The following SGCD variants were observed in gnomAD, a reference collection of about 807,000 sequenced individuals.
The protein encoded by SGCD is delta-sarcoglycan.
SGCD carries 18 observed loss-of-function variants against 36.6 expected under a neutral mutation model. The ratio of observed to expected loss-of-function variants is 0.49; its 90% CI spans 0.34 to 0.73. The LOEUF is 0.73. Ranked by LOEUF, SGCD falls within the 30% of genes least tolerant of loss-of-function variation. The pLI is 0.01. For synonymous variants in SGCD, 133 were observed against 130.6 expected (o/e 1.02, Z -0.12); for missense variants, 387 against 346.7 (o/e 1.12, Z -0.92).
intron 3 of SGCD, among the ~76,000 whole-genome samples, chr5:156,450,618 G>A (rs1329814595): frequency 6.6e-6 from 1 of 151,692 alleles, no homozygotes; most frequent in Non-Finnish European, 1.5e-5. Flanking sequence ...CAGATTAAGA[G>A]ATTCAATAAA....
At chr5:156,549,275 A>G (rs2113189985) in intron 4 of SGCD, among the ~76,000 whole-genome samples, 1 of 152,318 alleles carries the variant, frequency 6.6e-6, no homozygotes, top group African/African-American at 2.4e-5. Context: ...TAAGATGTAG[A>G]GTATTTCTAT....
At chr5:155,853,990 T>G in the SGCD span, among the ~76,000 whole-genome samples, 2 of 152,246 alleles carry the variant, frequency 1.3e-5, no homozygotes, top group African/African-American at 2.4e-5. Flanking sequence ...CAAAGCCTTC[T>G]TCATGTACAC....
At chr5:155,821,206 G>A in the SGCD span, among the ~76,000 whole-genome samples, 1 of 152,288 alleles carries the variant, frequency 6.6e-6, no homozygotes, top group South Asian at 2.1e-4. Flanking sequence ...CAAGTCTTCA[G>A]AGGCTTATTC....
chr5:156,394,982 A>G (rs1014881922), intron 3 of SGCD, among the ~76,000 whole-genome samples: 1 of 152,244 alleles, frequency 6.6e-6, no homozygotes, highest in Non-Finnish European at 1.5e-5. Context: ...CCGTGTATTG[A>G]AAAATCACAG....
chr5:156,490,252 G>A (rs1468831584), intron 3 of SGCD, among the ~76,000 whole-genome samples: 1 of 152,000 alleles, frequency 6.6e-6, no homozygotes, highest in Non-Finnish European at 1.5e-5. Context: ...AGGACGAGAT[G>A]CCTTTACTGC....
chr5:155,970,098 A>G (rs1757980039), intron 1 of SGCD, among the ~76,000 whole-genome samples: 1 of 152,106 alleles, frequency 6.6e-6, no homozygotes, highest in African/African-American at 2.4e-5. Flanking sequence ...AGAACTTCAA[A>G]ACAGTCAAAG....
intron 5 of SGCD, among the ~76,000 whole-genome samples, chr5:156,592,684 C>A (rs1327074652): frequency 6.6e-6 from 1 of 152,108 alleles, no homozygotes; most frequent in Non-Finnish European, 1.5e-5. Context: ...TTGCGAGAGC[C>A]CTCCGCCTTG....
At chr5:155,994,897 T>C (rs1758507900) in intron 1 of SGCD, among the ~76,000 whole-genome samples, 1 of 152,096 alleles carries the variant, frequency 6.6e-6, no homozygotes, top group South Asian at 2.1e-4. Flanking sequence ...GGTATTCCTG[T>C]GGGTGCCACT....
intron 6 of SGCD, among the ~76,000 whole-genome samples, chr5:156,612,735 G>A (rs1311529813): frequency 1.3e-5 from 2 of 152,154 alleles, no homozygotes; most frequent in East Asian, 1.9e-4. Flanking sequence ...AAATGGAGAG[G>A]TGCAATGGCT....
At chr5:155,879,430 T>C (rs1755834442) in intron 1 of SGCD, among the ~76,000 whole-genome samples, 1 of 152,144 alleles carries the variant, frequency 6.6e-6, no homozygotes, top group South Asian at 2.1e-4. Context: ...TGATGCTGAC[T>C]GAAAACGTTC....
the SGCD span, chr5:155,845,430 A>C: frequency 6.6e-6 from 1 of 152,244 alleles, no homozygotes; most frequent in Admixed American, 6.6e-5. Flanking sequence ...TGGTTTTACA[A>C]ATTACTGTCT....
rs5872468 is a variant in SGCD at position 156,524,287 on chromosome 5, T to TTATATATATA, written c.294+15595_294+15604dup. 1.8e-3 allele frequency among the ~76,000 whole-genome samples: 240 copies of TTATATATATA among 130,158 alleles called. 2 individuals are homozygous for TTATATATATA. The highest frequency in any genetic ancestry group is 6.5e-3 in the African/African-American group (230 of 35,168). The allele number at this position is 130,158 out of a possible 152,430, so 85.4% of individuals were successfully genotyped here. On this transcript the variant is annotated intron_variant, in intron 4 of 8. Coordinates refer to ENST00000337851, the MANE Select transcript of SGCD (RefSeq NM_000337.6). ...AGTTTATATATAGTAATATATATAG[T>TTATATATATA]TATATATATATATATATATCATCAT...
At chr5:156,074,654 C>T (rs776256910) in intron 1 of SGCD, among the ~76,000 whole-genome samples, 10 of 151,540 alleles carry the variant, frequency 6.6e-5, no homozygotes, top group Admixed American at 5.3e-4. Flanking sequence ...CACTCAAGCC[C>T]GGGCAAGAAA....
intron 3 of SGCD, among the ~76,000 whole-genome samples, chr5:156,281,280 A>C (rs1053052254): frequency 1.3e-5 from 2 of 151,940 alleles, no homozygotes; most frequent in East Asian, 1.9e-4. Context: ...ATCCCCCCCC[A>C]AAAAAGAACC....
intron 3 of SGCD, among the ~76,000 whole-genome samples, chr5:156,161,809 A>G (rs1461037678): frequency 1.3e-5 from 2 of 151,702 alleles, no homozygotes; most frequent in Non-Finnish European, 2.9e-5. Flanking sequence ...AAGAAGCGTG[A>G]ACTTCTTAAT....
chr5:155,925,076 C>T (rs1269785515), intron 1 of SGCD, among the ~76,000 whole-genome samples: 4 of 150,252 alleles, frequency 2.7e-5, no homozygotes, highest in Non-Finnish European at 5.9e-5. Context: ...TTAATATTCT[C>T]ACCTGCATTG....
chr5:156,444,146 TTCTCTCTCTCCTTCCCTC>T (rs1753655092), intron 3 of SGCD, among the ~76,000 whole-genome samples: 3 of 50,098 alleles, frequency 6.0e-5, no homozygotes, highest in Non-Finnish European at 1.2e-4. Flanking sequence ...CTCCTTCCCT[TTCTCTCTCTCCTTCCCTC>T]TCTCTCTCTC....
intron 1 of SGCD, among the ~76,000 whole-genome samples, chr5:156,085,689 G>A (rs1202856292): frequency 1.3e-5 from 2 of 152,176 alleles, no homozygotes; most frequent in Admixed American, 6.6e-5. Context: ...AAGATATTGT[G>A]TAAAATTACT....
At chr5:156,468,851 G>A (rs191957709) in intron 3 of SGCD, among the ~76,000 whole-genome samples, 442 of 152,236 alleles carry the variant, frequency 2.9e-3, no homozygotes, top group African/African-American at 0.01. Context: ...AACTAGCCAG[G>A]CGTGATGGCA....
Sources: gnomAD v4.1 joint callset for allele counts (sites outside exome capture counted in the v4.1 genomes callset) on GRCh38, gnomAD v4.1.1 for gene constraint, MANE v1.5 for transcripts, NCBI Gene and HGNC (gene_info 2026-07-23, HGNC 2026-07-21) for gene names.